Variants in LEO1 observed in about 807,000 individuals in gnomAD.
The protein encoded by LEO1 is RNA polymerase-associated protein LEO1.
In LEO1, 34 loss-of-function variants were observed where a neutral mutation model predicts 80.4. The ratio of observed to expected loss-of-function variants is 0.42; its 90% CI spans 0.32 to 0.56. The LOEUF (loss-of-function observed/expected upper bound fraction) is 0.56. LEO1 is among the 20% of genes least tolerant of loss of function. The probability of loss-of-function intolerance (pLI) is 0.10; values close to 1 mark genes in which losing one functional copy is unlikely to be tolerated. For synonymous variants in LEO1, 262 were observed against 274.9 expected (o/e 0.95, Z 0.46); for missense variants, 631 against 814.2 (o/e 0.77, Z 2.74).
At chr15:51,957,473 G>A (rs1260525993) in intron 6 of LEO1, among the ~76,000 whole-genome samples, 1 of 152,132 alleles carries the variant, frequency 6.6e-6, no homozygotes, top group Non-Finnish European at 1.5e-5. Context: ...AAAAAAAATA[G>A]TGTAAGCAGT....
At position 51,956,838 on chromosome 15, in the gene LEO1, G is replaced by T. The variant is rs542634629; in HGVS notation, c.1245+1904C>A. The stretch of plus-strand genomic sequence containing the variant: ...AATACATATTTATAAATTTTTTTTT[G>T]GGGGGGAGACAGGGTCTCGCTGTGC... On this transcript the variant is annotated intron_variant, in intron 6 of 11. Coordinates refer to ENST00000299601, the MANE Select transcript of LEO1 (RefSeq NM_138792.4). Among the ~76,000 whole-genome samples the T allele has an allele frequency of 3.8e-3, 579 of 151,570 alleles. 5 individuals carry two copies. Among genetic ancestry groups the T allele is most frequent in the African/African-American group, 0.013 (542 of 41,330 alleles).
chr15:51,961,920 G>A (rs1371014600), intron 3 of LEO1, among the ~76,000 whole-genome samples: 1 of 151,814 alleles, frequency 6.6e-6, no homozygotes, highest in East Asian at 1.9e-4. Flanking sequence ...CCAGCACTTC[G>A]GGAGGCTGAG....
intron 1 of LEO1, among the ~76,000 whole-genome samples, chr15:51,967,055 C>G (rs2057083681): frequency 6.6e-6 from 1 of 151,860 alleles, no homozygotes. Flanking sequence ...ATCTGAGAAA[C>G]AGAAAGAAAA....
intron 11 of LEO1, among the ~76,000 whole-genome samples, chr15:51,942,863 A>G (rs59914328): frequency 0.067 from 9,991 of 149,184 alleles, 563 homozygotes; most frequent in African/African-American, 0.14. Flanking sequence ...TGGAGGTTGC[A>G]GTGAGCCAAG....
intron 11 of LEO1, among the ~76,000 whole-genome samples, chr15:51,943,015 G>A (rs2056868483): frequency 6.6e-6 from 1 of 151,980 alleles, no homozygotes; most frequent in Non-Finnish European, 1.5e-5. Context: ...CACTTTGGGT[G>A]GTTGAGGTGA....
intron 1 of LEO1, among the ~76,000 whole-genome samples, chr15:51,967,666 G>A (rs1349574464): frequency 6.6e-6 from 1 of 152,146 alleles, no homozygotes; most frequent in Non-Finnish European, 1.5e-5. Context: ...CATCCCATAT[G>A]AGGAACGCTC....
chr15:51,952,479 T>G (rs1238307516), intron 8 of LEO1, among the ~76,000 whole-genome samples: 1 of 152,134 alleles, frequency 6.6e-6, no homozygotes, highest in Non-Finnish European at 1.5e-5. Context: ...ATGTTAACCT[T>G]TATAATTTCA....
chr15:51,966,547 G>T (rs930828771), intron 1 of LEO1, 43 bp from the exon 2 acceptor site: 1 of 1,073,302 alleles, frequency 9.3e-7, no homozygotes, highest in Non-Finnish European at 1.4e-6. Context: ...GCAAAAAAAG[G>T]CAGAGTAAGG....
intron 11 of LEO1, among the ~76,000 whole-genome samples, chr15:51,943,799 A>T (rs2056876993): frequency 6.7e-6 from 1 of 149,634 alleles, no homozygotes; most frequent in African/African-American, 2.4e-5. Flanking sequence ...AAAAAAAGGT[A>T]CCAAATGGGA....
intron 3 of LEO1, among the ~76,000 whole-genome samples, chr15:51,961,021 A>G (rs534811298): frequency 6.6e-6 from 1 of 152,186 alleles, no homozygotes; most frequent in Non-Finnish European, 1.5e-5. Context: ...TGTTTCCTAC[A>G]GTCTAGATGC....
chr15:51,957,695 A>C (rs1223503387), intron 6 of LEO1, among the ~76,000 whole-genome samples: 1 of 152,198 alleles, frequency 6.6e-6, no homozygotes, highest in Non-Finnish European at 1.5e-5. Flanking sequence ...CAGTGCCTAA[A>C]AAATGCCAGA....
intron 11 of LEO1, among the ~76,000 whole-genome samples, chr15:51,941,197 G>A (rs755260514): frequency 6.6e-6 from 1 of 152,152 alleles, no homozygotes; most frequent in Non-Finnish European, 1.5e-5. Context: ...CCTTCAGGAT[G>A]ACTTCATTTT....
At chr15:51,959,749 C>G in intron 5 of LEO1, 150 bp downstream of exon 5, 1 of 609,184 alleles carries the variant, frequency 1.6e-6, no homozygotes, top group South Asian at 2.7e-5. Context: ...CATATTTTTT[C>G]TATCTCAGGA....
chr15:51,941,699 G>A (rs560178978), intron 11 of LEO1, among the ~76,000 whole-genome samples: 1 of 152,324 alleles, frequency 6.6e-6, no homozygotes, highest in East Asian at 1.9e-4. Context: ...TTAAAAAAAT[G>A]AGGGAGAATA....
intron 11 of LEO1, among the ~76,000 whole-genome samples, chr15:51,945,842 A>G (rs993060249): frequency 6.6e-5 from 10 of 151,950 alleles, no homozygotes; most frequent in South Asian, 4.2e-4. Context: ...AGACCATCCT[A>G]GCTAACACAG....
rs371051615 is a variant in LEO1 at position 51,946,393 on chromosome 15, T to C, written c.1896+899A>G. ...GTATTTTTAGTAGATACGAGGTTTCTCCATGTTGGTCAGGCTAGTCTCGAA... is the reference window on the plus strand; with the variant it reads ...GTATTTTTAGTAGATACGAGGTTTCCCCATGTTGGTCAGGCTAGTCTCGAA... On this transcript the variant is annotated intron_variant, in intron 11 of 11. Transcript: ENST00000299601. Among the ~76,000 whole-genome samples, 9 of 152,152 alleles carry C rather than the reference T, an allele frequency of 5.9e-5. No individual in the cohort carries two copies. In the East Asian group the frequency reaches 1.2e-3, roughly 20 times the overall value.
chr15:51,961,083 C>G (rs1176506974), intron 3 of LEO1, among the ~76,000 whole-genome samples: 2 of 152,142 alleles, frequency 1.3e-5, no homozygotes, highest in Non-Finnish European at 2.9e-5. Flanking sequence ...ATAAGTCTAT[C>G]CCAGATTCAA....
At position 51,938,273 on chromosome 15, in the gene LEO1, A is replaced by C; in HGVS notation, c.1897-13T>G. On this transcript the variant is annotated splice_polypyrimidine_tract_variant and intron_variant, in intron 11 of 11. Coordinates refer to ENST00000299601, the MANE Select transcript of LEO1 (RefSeq NM_138792.4). ...AAGGTTCACCTTCCTAAACAGATAC[A>C]ATTTTTACAAATCTACAAGTCAATA... 6.9e-7 allele frequency: 1 copy of C among 1,443,598 alleles called. No homozygotes were observed. Among genetic ancestry groups the C allele is most frequent in the Non-Finnish European group, 9.6e-7 (1 of 1,042,368 alleles). The allele number at this position is 1,443,598 out of a possible 1,614,324, so 89.4% of individuals were successfully genotyped here.
In LEO1 at chr15:51,951,917, G is replaced by T; in HGVS notation, c.1538C>A (p.Ser513Ter). The T allele has an allele frequency of 6.2e-7, 1 of 1,613,424 alleles. No individual in the cohort carries two copies. Among genetic ancestry groups the T allele is most frequent in the South Asian group, 1.1e-5 (1 of 91,056 alleles). ...KMTLSLADRCSKTQKIRILPM... is the reference protein window; with the variant it reads ...KMTLSLADRC Reference sequence around the variant, plus strand: ...CAAGATTCTAATCTTCTGTGTCTTTGAACACCTATCTGCAAGTGACAGAGT... The same window carrying T: ...CAAGATTCTAATCTTCTGTGTCTTTTAACACCTATCTGCAAGTGACAGAGT... The change falls in exon 9 of 12, where the codon TCA becomes TAA. Residue 513 changes from serine (S) to a stop codon, truncating the protein, a stop_gained. Transcript: ENST00000299601. LOFTEE classifies it high-confidence loss of function.
Sources: allele counts gnomAD v4.1 joint callset (sites outside exome capture counted in the v4.1 genomes callset), GRCh38; gene constraint gnomAD v4.1.1; transcripts MANE v1.5; gene names NCBI Gene and HGNC (gene_info 2026-07-23, HGNC 2026-07-21).